Variants in VPS50 observed in about 807,000 individuals in gnomAD.
The protein encoded by VPS50 is VPS50 subunit of EARP/GARPII complex.
Under a neutral mutation model 139.7 loss-of-function variants are expected in VPS50, and 70 were observed. The ratio of observed to expected loss-of-function variants is 0.50; its 90% CI spans 0.41 to 0.61. The LOEUF (loss-of-function observed/expected upper bound fraction) is 0.61, where lower values mean the gene tolerates loss of function less well. Ranked by LOEUF, VPS50 falls within the 20% of genes least tolerant of loss-of-function variation. The pLI is 0.00. For missense variants in VPS50, 921 were observed against 1,133.7 expected (o/e 0.81, Z 2.69); for synonymous variants, 365 against 376.7 (o/e 0.97, Z 0.36).
chr7:93,303,962 G>T (rs990053941), intron 17 of VPS50, among the ~76,000 whole-genome samples: 1 of 151,718 alleles, frequency 6.6e-6, no homozygotes, highest in Non-Finnish European at 1.5e-5. Context: ...GGGACTAGTA[G>T]GTTCCTAATT....
chr7:93,301,648 C>A (rs1796978939), intron 16 of VPS50, among the ~76,000 whole-genome samples: 1 of 152,130 alleles, frequency 6.6e-6, no homozygotes, highest in Non-Finnish European at 1.5e-5. Context: ...GCTCTGCTAA[C>A]ACCTTGATTT....
At chr7:93,318,944 A>G (rs1470567200) in intron 20 of VPS50, among the ~76,000 whole-genome samples, 1 of 152,090 alleles carries the variant, frequency 6.6e-6, no homozygotes, top group Non-Finnish European at 1.5e-5. Context: ...ATTTATTTTT[A>G]TAAGCTTATT....
At chr7:93,322,555 G>T (rs958537803) in intron 20 of VPS50, among the ~76,000 whole-genome samples, 2 of 141,396 alleles carry the variant, frequency 1.4e-5, no homozygotes, top group Non-Finnish European at 3.0e-5. Flanking sequence ...AGCCGAGATC[G>T]CGCCACTGCA....
intron 27 of VPS50, among the ~76,000 whole-genome samples, chr7:93,357,384 C>T (rs1008750993): frequency 1.3e-5 from 2 of 152,142 alleles, no homozygotes; most frequent in South Asian, 4.2e-4. Context: ...GCAGCAGGGA[C>T]TCTTTTCTGT....
At chr7:93,244,457 A>G (rs1287487125) in intron 2 of VPS50, among the ~76,000 whole-genome samples, 1 of 151,936 alleles carries the variant, frequency 6.6e-6, no homozygotes, top group African/African-American at 2.4e-5. Context: ...TTAAACATAC[A>G]GCTTGTTGAA....
intron 25 of VPS50, among the ~76,000 whole-genome samples, chr7:93,350,404 C>T (rs115853902): frequency 0.018 from 2,757 of 152,146 alleles, 90 homozygotes; most frequent in African/African-American, 0.063. Context: ...TCTGATTATT[C>T]GGGGTAAAAA....
rs756249163 is a variant in VPS50, at chr7:93,276,254, A to G, written c.891A>G (p.Ala297=). 1.6e-5 allele frequency: 26 copies of G among 1,613,702 alleles called. No homozygotes were observed. In the East Asian group the frequency reaches 5.8e-4, roughly 36 times the overall value. Residue 297 remains alanine (A), a synonymous_variant, in exon 12 of 28, where the codon GCA becomes GCG. Transcript: ENST00000305866. ...QVVLGYVELC[A]GNTDTKFQKL... ...TTCTTGGTTATGTGGAACTATGTGC[A>G]GGAAACACAGACACAAAATTCCAAA...
At chr7:93,254,236 G>A (rs527540992) in intron 4 of VPS50, among the ~76,000 whole-genome samples, 70 of 152,272 alleles carry the variant, frequency 4.6e-4, no homozygotes, top group Admixed American at 4.4e-3. Context: ...TGTCATAGAC[G>A]TATGATTTCC....
chr7:93,268,825 C>T (rs777579011), intron 9 of VPS50, among the ~76,000 whole-genome samples: 5 of 152,098 alleles, frequency 3.3e-5, no homozygotes, highest in Non-Finnish European at 5.9e-5. Context: ...TGAGCATACA[C>T]GTGCATGTAT....
intron 23 of VPS50, among the ~76,000 whole-genome samples, chr7:93,342,442 G>A (rs1402153089): frequency 2.0e-5 from 3 of 152,194 alleles, no homozygotes; most frequent in Non-Finnish European, 2.9e-5. Flanking sequence ...GGTAAACAAA[G>A]CAGCCTGGAA....
chr7:93,315,757 A>G (rs1797408583), intron 20 of VPS50, among the ~76,000 whole-genome samples: 2 of 152,052 alleles, frequency 1.3e-5, no homozygotes, highest in Admixed American at 6.6e-5. Context: ...TAAGGAAATT[A>G]TAGGTTTTAA....
chr7:93,300,152 A>G (rs1241236313), intron 16 of VPS50, among the ~76,000 whole-genome samples: 3 of 152,148 alleles, frequency 2.0e-5, no homozygotes, highest in Non-Finnish European at 4.4e-5. Flanking sequence ...GAAAATGTGA[A>G]TTTTGAAGAA....
At chr7:93,251,924 A>T (rs1795347499) in intron 2 of VPS50, among the ~76,000 whole-genome samples, 1 of 152,152 alleles carries the variant, frequency 6.6e-6, no homozygotes. Context: ...TAGTTAACTG[A>T]AGCTTTATCT....
Position 93,349,893 on chromosome 7 carries a change from G to A in VPS50, c.2323G>A (p.Glu775Lys). The change falls in exon 25 of 28, where the codon GAA becomes AAA. Residue 775 changes from glutamate (E) to lysine (K), a missense_variant. Glu to Lys is a moderately conservative substitution (Grantham distance 56). Transcript: ENST00000305866. Reference sequence around the variant, plus strand: ...ATTTCAGACAGTCTCAACCGCCAGTGAACTACGGAAACCAATTTACTGGAT... The same window carrying A: ...ATTTCAGACAGTCTCAACCGCCAGTAAACTACGGAAACCAATTTACTGGAT... Reference protein sequence around the residue: ...FYSQTVSTASELRKPIYWIVA... With the variant: ...FYSQTVSTASKLRKPIYWIVA... The A allele has an allele frequency of 6.2e-7, 1 of 1,612,724 alleles. No individual in the cohort carries two copies. The highest frequency in any genetic ancestry group is 1.1e-5 in the South Asian group (1 of 90,668).
intron 21 of VPS50, among the ~76,000 whole-genome samples, chr7:93,324,414 G>A: frequency 6.6e-6 from 1 of 152,156 alleles, no homozygotes; most frequent in Admixed American, 6.5e-5. Context: ...GTATGATATT[G>A]GCTGTGGGTT....
chr7:93,264,781 T>C (rs1795790628), intron 9 of VPS50, among the ~76,000 whole-genome samples: 1 of 152,204 alleles, frequency 6.6e-6, no homozygotes, highest in Non-Finnish European at 1.5e-5. Context: ...GCTTTCTTCC[T>C]CTAAGGTCAG....
At chr7:93,344,503 T>C (rs1434522326) in intron 23 of VPS50, among the ~76,000 whole-genome samples, 1 of 152,112 alleles carries the variant, frequency 6.6e-6, no homozygotes, top group Non-Finnish European at 1.5e-5. Context: ...TACAGAACTC[T>C]CCACCACAAA....
intron 4 of VPS50, 98 bp downstream of exon 4, chr7:93,254,029 T>G: frequency 1.7e-6 from 1 of 575,494 alleles, no homozygotes; most frequent in Non-Finnish European, 3.1e-6. Flanking sequence ...AACTAACAAT[T>G]AACATAGAAA....
intron 19 of VPS50, among the ~76,000 whole-genome samples, chr7:93,310,564 T>G (rs1797238940): frequency 6.6e-6 from 1 of 151,992 alleles, no homozygotes. Flanking sequence ...ATCCCTCAGG[T>G]TTGATTGCTT....
Sources: gnomAD v4.1 joint callset for allele counts (sites outside exome capture counted in the v4.1 genomes callset) on GRCh38, gnomAD v4.1.1 for gene constraint, MANE v1.5 for transcripts, NCBI Gene and HGNC (gene_info 2026-07-23, HGNC 2026-07-21) for gene names.